Variants in SPTAN1 observed in about 807,000 individuals in gnomAD.
SPTAN1 encodes spectrin alpha chain, non-erythrocytic 1.
SPTAN1 carries 61 observed loss-of-function variants against 331.3 expected under a neutral mutation model. The ratio of observed to expected loss-of-function variants is 0.18; its 90% CI spans 0.15 to 0.23. The LOEUF (loss-of-function observed/expected upper bound fraction) is 0.23. Ranked by LOEUF, SPTAN1 falls within the 10% of genes least tolerant of loss-of-function variation. SPTAN1 has a pLI of 1.00. For missense variants in SPTAN1, 2,043 were observed against 3,147.9 expected, an observed-to-expected ratio of 0.65 and a Z score of 8.40; for synonymous variants, 1,153 against 1,173.9, an observed-to-expected ratio of 0.98 and a Z score of 0.36.
chr9:128,596,028 GA>G (rs1383856701), intron 24 of SPTAN1: 5 of 151,996 alleles, frequency 3.3e-5, no homozygotes, highest in African/African-American at 1.2e-4. Context: ...ATTTTTTGTA[GA>G]GACAAGGTTT....
At chr9:128,578,695 G>A (rs889600230) in intron 9 of SPTAN1, among the ~76,000 whole-genome samples, 15 of 152,026 alleles carry the variant, frequency 9.9e-5, no homozygotes, top group African/African-American at 3.6e-4. Context: ...TGGTCATGGT[G>A]GCACGCGCCT....
At chr9:128,593,526 C>A (rs539891996) in intron 23 of SPTAN1, 1 of 202,474 alleles carries the variant, frequency 4.9e-6, no homozygotes, top group African/African-American at 2.3e-5. Flanking sequence ...ATATTTCAGC[C>A]TTTTGTATTT....
At position 128,625,808 on chromosome 9, in the gene SPTAN1, G is replaced by T; in HGVS notation, c.6109G>T (p.Gly2037Cys). 1 of 1,614,184 alleles carries T rather than the reference G, an allele frequency of 6.2e-7. No individual in the cohort carries two copies. The change falls in exon 48 of 57, where the codon GGC becomes TGC. Residue 2037 changes from glycine (G) to cysteine (C), a missense_variant. Physicochemically the swap from Gly to Cys is radical, Grantham distance 159 (BLOSUM62 -3). Around this residue, in one of 12 missense-constraint regions of SPTAN1, gnomAD observed 256 missense variants for 376.4 expected, o/e 0.68. Coordinates refer to ENST00000372739, the MANE Select transcript of SPTAN1 (RefSeq NM_001130438.3). This position sits in a 1 kb window ranked among gnomAD's most constrained non-coding sequence, Gnocchi z 4.1. ...DAGLQAFQQE[G>C]IANITALKDQ... Reference sequence around the variant, plus strand: ...TGGGCTGCAGGCCTTCCAGCAGGAAGGCATTGCCAACATCACTGCCCTCAA... The same window carrying T: ...TGGGCTGCAGGCCTTCCAGCAGGAATGCATTGCCAACATCACTGCCCTCAA...
Position 128,577,551 on chromosome 9 carries a change from T to A in SPTAN1, c.1085+45T>A. ...TCTTAACCAGTATCATTTGGCTTCT[T>A]TTTTGGAAGCAGGAATAGCAGAGTT... On this transcript the variant is annotated intron_variant, in intron 8 of 56. Coordinates refer to ENST00000372739, the MANE Select transcript of SPTAN1 (RefSeq NM_001130438.3). The surrounding 1 kb of genome is among the most constrained non-coding windows in gnomAD (Gnocchi z 4.2). 6.2e-7 allele frequency: 1 copy of A among 1,611,420 alleles called. No homozygotes were observed. Among genetic ancestry groups the A allele is most frequent in the Non-Finnish European group, 8.5e-7 (1 of 1,179,670 alleles).
At chr9:128,622,345 G>C (rs1857995458) in intron 45 of SPTAN1, among the ~76,000 whole-genome samples, 1 of 147,322 alleles carries the variant, frequency 6.8e-6, no homozygotes, top group Admixed American at 7.0e-5. Flanking sequence ...TGTTGCCCAG[G>C]CTGGAGTGCA....
Position 128,583,118 on chromosome 9 carries a change from T to G in SPTAN1, c.1848T>G (p.Ala616=). 1 of 1,614,182 alleles carries G rather than the reference T, an allele frequency of 6.2e-7. No individual in the cohort carries two copies. Among genetic ancestry groups the G allele is most frequent in the Non-Finnish European group, 8.5e-7 (1 of 1,180,038 alleles). The change falls in exon 15 of 57, where the codon GCT becomes GCG. Residue 616 remains alanine (A), a synonymous_variant. Coordinates refer to ENST00000372739, the MANE Select transcript of SPTAN1 (RefSeq NM_001130438.3). ...AAGGAAAAGTACAGAAGCATCAGGC[T>G]TTTGAGGCTGAGCTCTCAGCAAACC... ...NLQGKVQKHQ[A]FEAELSANQS... is the part of the protein sequence containing the mutation.
At chr9:128,612,300 A>C in intron 39 of SPTAN1, 54 bp downstream of exon 39, 2 of 1,613,060 alleles carry the variant, frequency 1.2e-6, no homozygotes, top group Non-Finnish European at 1.7e-6. Context: ...GTCATTTGGC[A>C]CAGTGGGTCC....
intron 9 of SPTAN1, 79 bp from the exon 10 acceptor site, chr9:128,579,558 C>G: frequency 9.1e-7 from 1 of 1,102,660 alleles, no homozygotes; most frequent in Non-Finnish European, 1.4e-6. Context: ...GCTTATAATG[C>G]TTATGTAAAA....
intron 3 of SPTAN1, among the ~76,000 whole-genome samples, chr9:128,569,446 G>C (rs778253971): frequency 2.0e-5 from 3 of 151,652 alleles, no homozygotes; most frequent in Non-Finnish European, 4.4e-5. Flanking sequence ...TCTTTGGTCT[G>C]GCTGATTTTA....
Position 128,568,758 on chromosome 9 carries a change from A to G in SPTAN1, c.238-14A>G. 1.2e-6 allele frequency: 2 copies of G among 1,613,854 alleles called. No homozygotes were observed. The highest frequency in any genetic ancestry group is 1.7e-6 in the Non-Finnish European group (2 of 1,179,872). On this transcript the variant is annotated splice_polypyrimidine_tract_variant and intron_variant, in intron 2 of 56. Coordinates refer to ENST00000372739, the MANE Select transcript of SPTAN1 (RefSeq NM_001130438.3). ...GTGGTTGCGTCTGAGGCTCACTTCA[A>G]GGTCCGCCAACAGGGAAAGCTTCAG... is the stretch of plus-strand genomic sequence containing the variant.
intron 41 of SPTAN1, among the ~76,000 whole-genome samples, chr9:128,616,189 C>G (rs1857144838): frequency 6.6e-6 from 1 of 151,830 alleles, no homozygotes; most frequent in Admixed American, 6.6e-5. Context: ...TGTCAGTCTA[C>G]TGATTCCAGT....
chr9:128,633,335 G>C lies in SPTAN1; in HGVS notation c.*1G>C. The C allele has an allele frequency of 6.2e-7, 1 of 1,613,766 alleles. No homozygotes were observed. Among genetic ancestry groups the C allele is most frequent in the Non-Finnish European group, 8.5e-7 (1 of 1,180,032 alleles). ...CACCCGCTCGCTTTTCGTGAACTGA[G>C]CCACTCCCTGGGTCACCCACCCCTC... On this transcript the variant is annotated 3_prime_UTR_variant, in exon 57 of 57. Transcript: ENST00000372739.
In SPTAN1 at chr9:128,598,982, C is replaced by T; in HGVS notation, c.3539C>T (p.Pro1180Leu). Residue 1180 changes from proline to leucine, a missense_variant, in exon 26 of 57, where the codon CCC becomes CTC. Physicochemically the swap from Pro to Leu is moderately conservative, Grantham distance 98 (BLOSUM62 -3). This residue lies in a region of SPTAN1 where 1,038 missense variants were observed against 1,531.5 expected (regional missense o/e 0.68). Transcript: ENST00000372739. The stretch of plus-strand genomic sequence containing the variant: ...TTGTAGGAAGTGTATGGCATGATGC[C>T]CAGGGTAAGTTTCGGGTGCTGTGTG... ...VQQQEVYGMMPRDETDSKTAS... is the reference protein window; with the variant it reads ...VQQQEVYGMMLRDETDSKTAS... 1.2e-6 allele frequency: 2 copies of T among 1,613,808 alleles called. No individual in the cohort carries two copies. Among genetic ancestry groups the T allele is most frequent in the South Asian group, 1.1e-5 (1 of 91,070 alleles).
chr9:128,614,633 G>T (rs1352701420), intron 40 of SPTAN1, among the ~76,000 whole-genome samples: 1 of 150,188 alleles, frequency 6.7e-6, no homozygotes, highest in African/African-American at 2.4e-5. Flanking sequence ...TTAGCCAAAC[G>T]TTGGGGTATG....
rs889389134 is a variant in SPTAN1, at chr9:128,629,686, G to A, written c.6708-635G>A. 5.4e-6 allele frequency: 1 copy of A among 185,344 alleles called. No homozygotes were observed. Among genetic ancestry groups the A allele is most frequent in the African/African-American group, 2.4e-5 (1 of 42,374 alleles). 11.5% of individuals were successfully genotyped at this position (185,344 alleles called of 1,614,324 possible). A position where few individuals can be genotyped will look rare whatever the true frequency, so the allele number is the denominator to read the frequency against. ...AGAGCCCATCTGCTCTCAGAACTTGGTCCTAGAGAGGAGGCTCCCTCCCTG... is the reference window on the plus strand; with the variant it reads ...AGAGCCCATCTGCTCTCAGAACTTGATCCTAGAGAGGAGGCTCCCTCCCTG... On this transcript the variant is annotated intron_variant, in intron 51 of 56. Coordinates refer to ENST00000372739, the MANE Select transcript of SPTAN1 (RefSeq NM_001130438.3). The surrounding 1 kb of genome is among the most constrained non-coding windows in gnomAD (Gnocchi z 4.9).
intron 26 of SPTAN1, chr9:128,599,229 G>A: frequency 2.0e-6 from 1 of 503,032 alleles, no homozygotes; most frequent in East Asian, 3.8e-5. Flanking sequence ...CCACCTCCCA[G>A]GTTCAAGCGA....
chr9:128,598,211 G>T (rs768119148), intron 24 of SPTAN1, among the ~76,000 whole-genome samples, 189 bp from the exon 25 acceptor site: 5 of 152,062 alleles, frequency 3.3e-5, no homozygotes, highest in Non-Finnish European at 5.9e-5. Context: ...GCCTCCCAAA[G>T]TGCTGGGATT....
intron 18 of SPTAN1, among the ~76,000 whole-genome samples, chr9:128,585,456 G>A (rs1009313599): frequency 1.2e-4 from 19 of 152,198 alleles, no homozygotes; most frequent in African/African-American, 4.6e-4. Context: ...CTCAGTAACT[G>A]AGCGCTACAG....
intron 28 of SPTAN1, 54 bp downstream of exon 28, chr9:128,603,644 C>A: frequency 6.3e-7 from 1 of 1,595,038 alleles, no homozygotes; most frequent in Non-Finnish European, 8.6e-7. Flanking sequence ...CCACTATCTT[C>A]CTTCCCTGTC....
Sources: allele counts gnomAD v4.1 joint callset (sites outside exome capture counted in the v4.1 genomes callset), GRCh38; gene constraint gnomAD v4.1.1; regional missense constraint gnomAD v4.1.1; non-coding constraint Gnocchi (gnomAD v3.1); transcripts MANE v1.5; gene names NCBI Gene and HGNC (gene_info 2026-07-23, HGNC 2026-07-21).